DOCK3: variants seen among roughly 807,000 people sequenced by gnomAD.
DOCK3 encodes dedicator of cytokinesis protein 3.
In DOCK3, 60 loss-of-function variants were observed where a neutral mutation model predicts 265.6. The observed-to-expected ratio is 0.23, with a 90% confidence interval of 0.18 to 0.28. The LOEUF is 0.28. DOCK3 is among the 10% of genes least tolerant of loss of function. DOCK3 has a pLI of 1.00. For synonymous variants in DOCK3, 881 were observed against 938.0 expected (o/e 0.94, Z 1.11); for missense variants, 1,981 against 2,594.3 (o/e 0.76, Z 5.14).
chr3:50,737,937 G>C (rs763214444), intron 1 of DOCK3, among the ~76,000 whole-genome samples: 4 of 152,092 alleles, frequency 2.6e-5, no homozygotes, highest in Non-Finnish European at 4.4e-5. Context: ...TTGTTCCTTG[G>C]TGGTGTCATA....
intron 12 of DOCK3, among the ~76,000 whole-genome samples, chr3:51,170,025 C>T (rs915904126): frequency 3.9e-5 from 6 of 152,000 alleles, no homozygotes; most frequent in African/African-American, 1.5e-4. Context: ...CTGAAATGCT[C>T]CAAAATCTGA....
chr3:50,984,521 T>C (rs561172085), intron 5 of DOCK3, among the ~76,000 whole-genome samples: 134 of 152,360 alleles, frequency 8.8e-4, no homozygotes, highest in African/African-American at 3.1e-3. Flanking sequence ...GGCATTTTTT[T>C]CTTTCTGCAC....
At chr3:51,338,735 C>T (rs1046517552) in intron 36 of DOCK3, among the ~76,000 whole-genome samples, 200 bp from the exon 37 acceptor site, 3 of 152,192 alleles carry the variant, frequency 2.0e-5, no homozygotes, top group African/African-American at 7.2e-5. Context: ...TAACACTACC[C>T]AGGGCTCCCA....
At chr3:51,321,387 G>T (rs1220113725) in intron 32 of DOCK3, among the ~76,000 whole-genome samples, 1 of 152,158 alleles carries the variant, frequency 6.6e-6, no homozygotes, top group Non-Finnish European at 1.5e-5. Context: ...ACTGCAAAAA[G>T]GATGAAAATT....
intron 7 of DOCK3, among the ~76,000 whole-genome samples, chr3:51,080,641 CTTA>C (rs1575998459): frequency 6.6e-6 from 1 of 152,158 alleles, no homozygotes; most frequent in Non-Finnish European, 1.5e-5. Context: ...AAAAAAATTA[CTTA>C]TTATTGTCAA....
In DOCK3 at chr3:50,853,483, T is replaced by G. The variant is rs574173263; in HGVS notation, c.162+11768T>G. On this transcript the variant is annotated intron_variant, in intron 3 of 52. Coordinates refer to ENST00000266037, the MANE Select transcript of DOCK3 (RefSeq NM_004947.5). Reference sequence around the variant, plus strand: ...TCTCCCTCCTTCCTGCTTCTTGGAGTCCCCATTGTCCACTGTTTTCCATCT... The same window carrying G: ...TCTCCCTCCTTCCTGCTTCTTGGAGGCCCCATTGTCCACTGTTTTCCATCT... 1.1e-4 allele frequency among the ~76,000 whole-genome samples: 16 copies of G among 152,200 alleles called. No individual in the cohort carries two copies. The South Asian group carries it at 1.7e-3, about 16-fold the overall frequency.
Position 51,013,660 on chromosome 3 carries a change from T to C in DOCK3, c.316-50788T>C, listed in dbSNP as rs893821268. On this transcript the variant is annotated intron_variant, in intron 5 of 52. Coordinates refer to ENST00000266037, the MANE Select transcript of DOCK3 (RefSeq NM_004947.5). The stretch of plus-strand genomic sequence containing the variant: ...ACTTGAGTAGGCAGTCGGTCCGTTC[T>C]CAGAGCTGAAACGCCATGCTGGGAG... Among the ~76,000 whole-genome samples the C allele has an allele frequency of 1.1e-4, 17 of 152,190 alleles. 1 individual carries two copies. Among genetic ancestry groups the C allele is most frequent in the Non-Finnish European group, 7.4e-5 (5 of 68,022 alleles).
At chr3:50,754,302 A>G (rs2040022138) in intron 1 of DOCK3, among the ~76,000 whole-genome samples, 1 of 152,110 alleles carries the variant, frequency 6.6e-6, no homozygotes, top group African/African-American at 2.4e-5. Flanking sequence ...TAGAAGGTAA[A>G]GGGAGTGGAG....
chr3:50,772,197 A>T (rs967646430), intron 1 of DOCK3, among the ~76,000 whole-genome samples: 1 of 150,490 alleles, frequency 6.6e-6, no homozygotes, highest in African/African-American at 2.4e-5. Flanking sequence ...AGGCACAGAA[A>T]AACAGACATC....
intron 10 of DOCK3, 93 bp from the exon 11 acceptor site, chr3:51,159,151 C>T (rs1379342609): frequency 1.1e-5 from 14 of 1,229,146 alleles, no homozygotes; most frequent in Non-Finnish European, 1.7e-5. Flanking sequence ...CTGCCTATAA[C>T]ATACAGTAAA....
intron 2 of DOCK3, among the ~76,000 whole-genome samples, chr3:50,794,275 A>G (rs970860929): frequency 1.3e-5 from 2 of 152,280 alleles, no homozygotes; most frequent in Non-Finnish European, 2.9e-5. Context: ...GAGTTCAAGT[A>G]CTGAATACCT....
intron 1 of DOCK3, among the ~76,000 whole-genome samples, chr3:50,738,246 T>G (rs2108200642): frequency 6.6e-6 from 1 of 152,202 alleles, no homozygotes; most frequent in Non-Finnish European, 1.5e-5. Flanking sequence ...GGTATGTGGG[T>G]GCTGGTGTAC....
intron 26 of DOCK3, chr3:51,278,252 G>T (rs184904046): frequency 3.0e-6 from 3 of 985,288 alleles, no homozygotes; most frequent in East Asian, 2.3e-4. Context: ...AATTTCACTG[G>T]CATTAGTGAA....
At chr3:51,245,945 AG>A (rs2078817998) in intron 21 of DOCK3, among the ~76,000 whole-genome samples, 1 of 152,326 alleles carries the variant, frequency 6.6e-6, no homozygotes, top group Middle Eastern at 3.4e-3. Context: ...ATACAAAACT[AG>A]ATATTGATAG....
intron 4 of DOCK3, among the ~76,000 whole-genome samples, chr3:50,912,530 C>T (rs2049911761): frequency 6.6e-6 from 1 of 152,110 alleles, no homozygotes; most frequent in Non-Finnish European, 1.5e-5. Context: ...CTTCAGGATG[C>T]CAAGTTTCCT....
chr3:51,380,072 A>G, intron 51 of DOCK3, 53 bp from the exon 52 acceptor site: 1 of 1,560,090 alleles, frequency 6.4e-7, no homozygotes, highest in Non-Finnish European at 8.8e-7. Context: ...TGGTGCTGGC[A>G]TGAAGTCTGT....
intron 9 of DOCK3, among the ~76,000 whole-genome samples, chr3:51,140,538 A>G (rs144845012): frequency 1.1e-3 from 167 of 152,256 alleles, no homozygotes; most frequent in Admixed American, 3.3e-3. Flanking sequence ...CCTTCTGGCT[A>G]TTATTAATAA....
intron 10 of DOCK3, among the ~76,000 whole-genome samples, chr3:51,152,071 A>C (rs2085628153): frequency 6.6e-6 from 1 of 152,104 alleles, no homozygotes; most frequent in African/African-American, 2.4e-5. Flanking sequence ...GTTCTCCTGG[A>C]TAATATCCTG....
At chr3:51,265,789 A>G (rs1034863069) in intron 23 of DOCK3, among the ~76,000 whole-genome samples, 3 of 152,350 alleles carry the variant, frequency 2.0e-5, no homozygotes, top group Middle Eastern at 6.8e-3. Context: ...AACCAGCACA[A>G]GACAAGGATG....
Sources: gnomAD v4.1 joint callset for allele counts (sites outside exome capture counted in the v4.1 genomes callset) on GRCh38, gnomAD v4.1.1 for gene constraint, MANE v1.5 for transcripts, NCBI Gene and HGNC (gene_info 2026-07-23, HGNC 2026-07-21) for gene names.